Variants in NPTXR observed in about 807,000 individuals in gnomAD.
NPTXR encodes the protein neuronal pentraxin receptor.
In NPTXR, 12 loss-of-function variants were observed where a neutral mutation model predicts 32.2. The ratio of observed to expected loss-of-function variants is 0.37; its 90% confidence interval spans 0.24 to 0.60. NPTXR has a LOEUF of 0.60. Ranked by LOEUF, NPTXR falls within the 20% of genes least tolerant of loss-of-function variation. The probability of loss-of-function intolerance (pLI) is 0.66; values close to 1 mark genes in which losing one functional copy is unlikely to be tolerated. For missense variants in NPTXR, 612 were observed against 682.9 expected, an observed-to-expected ratio of 0.90 and a Z score of 1.16; for synonymous variants, 323 against 315.8, an observed-to-expected ratio of 1.02 and a Z score of -0.24.
chr22:38,825,910 T>C (rs928395173), intron 3 of NPTXR, among the ~76,000 whole-genome samples: 1 of 151,342 alleles, frequency 6.6e-6, no homozygotes, highest in Non-Finnish European at 1.5e-5. Context: ...TGGTGCGATC[T>C]TAGCTCACTG....
intron 1 of NPTXR, among the ~76,000 whole-genome samples, chr22:38,837,761 G>A (rs1209310815): frequency 1.3e-5 from 2 of 152,194 alleles, no homozygotes; most frequent in African/African-American, 4.8e-5. Flanking sequence ...CACCAAGAGG[G>A]AAAGTGATTA....
intron 2 of NPTXR, 151 bp downstream of exon 2, chr22:38,828,136 C>T (rs913592644): frequency 3.2e-6 from 2 of 632,660 alleles, no homozygotes; most frequent in Admixed American, 2.8e-5. Context: ...TAACAATATC[C>T]CCCAATGATT....
Position 38,828,439 on chromosome 22 carries a change from G to A in NPTXR, c.698C>T (p.Ser233Phe). 6.2e-7 allele frequency: 1 copy of A among 1,612,402 alleles called. No homozygotes were observed. The highest frequency in any genetic ancestry group is 1.1e-5 in the South Asian group (1 of 90,960). The change falls in exon 2 of 5, where the codon TCC (serine) becomes TTC (phenylalanine). Residue 233 changes from serine to phenylalanine, a missense_variant. By Grantham distance (155) the Ser-to-Phe change is radical. Transcript: ENST00000333039. ...CTGCCCCTCCAGCTGGTCCATCTTG[G>A]AGTGTAGGCCGGTGGGCACAGCAGA...
rs2093120777 is a variant in NPTXR, at chr22:38,834,311, GTCC to G, written c.625-5802_625-5800del. ...CCGTCTCCCTGCCAATAAAGTCCCT[GTCC>G]TCCTGGCTTCAGCCCTTACCCCGAC... On this transcript the variant is annotated intron_variant, in intron 1 of 4. Transcript: ENST00000333039. The surrounding 1 kb of genome is among the most constrained non-coding windows in gnomAD (Gnocchi z 4.4). 6.6e-6 allele frequency among the ~76,000 whole-genome samples: 1 copy of G among 152,088 alleles called. No individual in the cohort carries two copies. Among genetic ancestry groups the G allele is most frequent in the Non-Finnish European group, 1.5e-5 (1 of 68,022 alleles).
In NPTXR at chr22:38,834,600, T is replaced by TCATCCATCCATCCATC. The variant is rs3042737; in HGVS notation, c.625-6104_625-6089dup. Among the ~76,000 whole-genome samples the TCATCCATCCATCCATC allele has an allele frequency of 1.8e-4, 27 of 147,410 alleles. No homozygotes were observed. The highest frequency in any genetic ancestry group is 2.4e-4 in the Non-Finnish European group (16 of 66,738). On this transcript the variant is annotated intron_variant, in intron 1 of 4. Coordinates refer to ENST00000333039, the MANE Select transcript of NPTXR (RefSeq NM_014293.4). This position sits in a 1 kb window ranked among gnomAD's most constrained non-coding sequence, Gnocchi z 4.4. ...ACTCATCCATCCATCCATCCATCCA[T>TCATCCATCCATCCATC]CATCCATCCATCCATCCATCCATCC...
chr22:38,828,993 C>T (rs139718909), intron 1 of NPTXR, among the ~76,000 whole-genome samples: 119 of 152,344 alleles, frequency 7.8e-4, no homozygotes, highest in Non-Finnish European at 1.5e-3. Flanking sequence ...CCACTCAGGG[C>T]GTGAAACAGG....
In NPTXR at chr22:38,821,919, G is replaced by A. The variant is rs1477393348; in HGVS notation, c.*690C>T. The A allele has an allele frequency of 3.9e-5, 6 of 155,216 alleles. No individual in the cohort carries two copies. Among genetic ancestry groups the A allele is most frequent in the Non-Finnish European group, 7.2e-5 (5 of 69,870 alleles). 9.6% of individuals were successfully genotyped at this position (155,216 alleles called of 1,614,324 possible). On this transcript the variant is annotated 3_prime_UTR_variant, in exon 5 of 5. Transcript: ENST00000333039. Reference sequence around the variant, plus strand: ...GACTGCAGCCCTTTGGCCTCCTGGGGTCTTTGTCCCCTTCCCTCCAGGCTG... The same window carrying A: ...GACTGCAGCCCTTTGGCCTCCTGGGATCTTTGTCCCCTTCCCTCCAGGCTG...
chr22:38,829,619 G>C (rs1049197625), intron 1 of NPTXR, among the ~76,000 whole-genome samples: 2 of 152,184 alleles, frequency 1.3e-5, no homozygotes, highest in Non-Finnish European at 2.9e-5. Flanking sequence ...TACCAGGCCT[G>C]ATGCTTGCGA....
intron 3 of NPTXR, among the ~76,000 whole-genome samples, chr22:38,824,669 A>G (rs947030027): frequency 6.6e-6 from 1 of 152,212 alleles, no homozygotes; most frequent in African/African-American, 2.4e-5. Context: ...AGCGTCCCAG[A>G]ACAGGGCTGC....
intron 1 of NPTXR, among the ~76,000 whole-genome samples, chr22:38,842,105 G>C (rs935452482): frequency 1.3e-5 from 2 of 152,180 alleles, no homozygotes; most frequent in African/African-American, 4.8e-5. Flanking sequence ...CTTGTGAGTG[G>C]GCATCACCAG....
chr22:38,823,556 A>T (rs2093101676), intron 3 of NPTXR, among the ~76,000 whole-genome samples: 1 of 152,228 alleles, frequency 6.6e-6, no homozygotes, highest in Non-Finnish European at 1.5e-5. Context: ...GGGATGTCTC[A>T]TAATCCCAAC....
chr22:38,837,346 T>C (rs542636408), intron 1 of NPTXR, among the ~76,000 whole-genome samples: 4 of 152,286 alleles, frequency 2.6e-5, no homozygotes, highest in African/African-American at 9.6e-5. Context: ...CAAAGCCCAA[T>C]AGCAGAAGCC....
intron 1 of NPTXR, among the ~76,000 whole-genome samples, chr22:38,833,597 T>C (rs965183610): frequency 6.6e-6 from 1 of 151,840 alleles, no homozygotes; most frequent in Non-Finnish European, 1.5e-5. Context: ...AAGCGCTTAG[T>C]GCGCGGTAGG....
intron 1 of NPTXR, among the ~76,000 whole-genome samples, chr22:38,838,566 C>G (rs1355553746): frequency 6.8e-6 from 1 of 147,734 alleles, no homozygotes; most frequent in South Asian, 2.2e-4. Flanking sequence ...ACCGCCCTCA[C>G]CTGGCTATTT....
chr22:38,829,232 C>T lies in NPTXR; in HGVS notation c.625-720G>A, dbSNP rs145682627. 2.0e-5 allele frequency among the ~76,000 whole-genome samples: 3 copies of T among 152,306 alleles called. No homozygotes were observed. In the East Asian group the frequency reaches 5.8e-4, roughly 29 times the overall value. On this transcript the variant is annotated intron_variant, in intron 1 of 4. Coordinates refer to ENST00000333039, the MANE Select transcript of NPTXR (RefSeq NM_014293.4). ...AAGGATTAAATATCAATAAACAGAG[C>T]CTGCTTATTGCAATTGCTGTCTAGG...
intron 1 of NPTXR, among the ~76,000 whole-genome samples, chr22:38,836,807 T>C (rs2093124621): frequency 6.6e-6 from 1 of 152,094 alleles, no homozygotes; most frequent in African/African-American, 2.4e-5. Context: ...TCACACAGGC[T>C]TTTTTATTTT....
intron 1 of NPTXR, among the ~76,000 whole-genome samples, chr22:38,836,976 G>A (rs2093124941): frequency 2.0e-5 from 3 of 152,066 alleles, no homozygotes; most frequent in South Asian, 2.1e-4. Context: ...CACCATGCCC[G>A]GCTAATTTTT....
rs2093098552 is a variant in NPTXR at position 38,822,127 on chromosome 22, AG to A, written c.*481del. Reference sequence around the variant, plus strand: ...CTGGCAGCTGGTGGAAAGAGGGAGGAGGGTAAGTCTAACCTCTGATGTCCTC... The same window carrying A: ...CTGGCAGCTGGTGGAAAGAGGGAGGAGGTAAGTCTAACCTCTGATGTCCTC... On this transcript the variant is annotated 3_prime_UTR_variant, in exon 5 of 5. Transcript: ENST00000333039. 6.6e-6 allele frequency: 1 copy of A among 151,516 alleles called. No individual in the cohort carries two copies. Among genetic ancestry groups the A allele is most frequent in the African/African-American group, 2.6e-5 (1 of 39,204 alleles). 9.4% of individuals were successfully genotyped at this position (151,516 alleles called of 1,614,324 possible). A position where few individuals can be genotyped will look rare whatever the true frequency, so the allele number is the denominator to read the frequency against.
rs1196618546 is a variant in NPTXR at position 38,826,807 on chromosome 22, A to G, written c.851-60T>C. ...GTGGACACCGAAAAGGGTGGGGTGG[A>G]CAGGGCACACTTCAGAAAGATGGCT... is the stretch of plus-strand genomic sequence containing the variant. On this transcript the variant is annotated intron_variant, in intron 2 of 4. Coordinates refer to ENST00000333039, the MANE Select transcript of NPTXR (RefSeq NM_014293.4). 6 of 1,567,380 alleles carry G rather than the reference A, an allele frequency of 3.8e-6. No homozygotes were observed. The Admixed American group carries it at 1.0e-4, about 27-fold the overall frequency.
Sources: gnomAD v4.1 joint callset for allele counts (sites outside exome capture counted in the v4.1 genomes callset) on GRCh38, gnomAD v4.1.1 for gene constraint, Gnocchi (gnomAD v3.1) non-coding constraint, MANE v1.5 for transcripts, NCBI Gene and HGNC (gene_info 2026-07-23, HGNC 2026-07-21) for gene names.